Variants in METTL24 observed in about 807,000 individuals in gnomAD.
METTL24 encodes methyltransferase like 24, also known as probable methyltransferase-like protein 24.
In METTL24, 29 loss-of-function variants were observed where a neutral mutation model predicts 32.7. That is an observed-to-expected ratio of 0.89 (90% CI 0.66 to 1.21). METTL24 has a LOEUF of 1.21. Ranked by LOEUF, METTL24 falls within the 50% of genes most tolerant of loss-of-function variation. The pLI is 0.00. For missense variants in METTL24, 439 were observed against 468.1 expected, an observed-to-expected ratio of 0.94 and a Z score of 0.57; for synonymous variants, 163 against 179.5, an observed-to-expected ratio of 0.91 and a Z score of 0.73.
chr6:110,299,129 A>T lies in METTL24; in HGVS notation c.579T>A (p.His193Gln). Residue 193 changes from histidine (H) to glutamine (Q), a missense_variant, in exon 4 of 5, where the codon CAT becomes CAA. Transcript: ENST00000338882. ...YSLGLGSDDT[H>Q]FEVSMANNGC... is the part of the protein sequence containing the mutation. ...CGTTGTTGGCCATGCTAACCTCAAA[A>T]TGGGTATCATCACTTCCTAGCCTAT... is the stretch of plus-strand genomic sequence containing the variant. 1.9e-6 allele frequency: 3 copies of T among 1,614,018 alleles called. No individual in the cohort carries two copies. The highest frequency in any genetic ancestry group is 2.5e-6 in the Non-Finnish European group (3 of 1,179,998).
At chr6:110,284,134 T>C (rs1016177716) in intron 4 of METTL24, among the ~76,000 whole-genome samples, 1 of 152,178 alleles carries the variant, frequency 6.6e-6, no homozygotes, top group Non-Finnish European at 1.5e-5. Flanking sequence ...TAATGTGTGA[T>C]TCCACTTACA....
chr6:110,269,790 T>C (rs1770921986), intron 4 of METTL24, among the ~76,000 whole-genome samples: 1 of 152,142 alleles, frequency 6.6e-6, no homozygotes, highest in Admixed American at 6.6e-5. Flanking sequence ...GTAATCTAAA[T>C]ATTCATATGA....
At chr6:110,259,487 G>GC (rs557438172) in intron 4 of METTL24, among the ~76,000 whole-genome samples, 140 of 152,372 alleles carry the variant, frequency 9.2e-4, no homozygotes, top group South Asian at 4.6e-3. Flanking sequence ...ACTGGGTGGA[G>GC]CCCACCACAG....
intron 1 of METTL24, among the ~76,000 whole-genome samples, chr6:110,352,521 C>T (rs1211040746): frequency 6.6e-6 from 1 of 152,016 alleles, no homozygotes; most frequent in Non-Finnish European, 1.5e-5. Context: ...GATTATAAGG[C>T]TCTTAAAATT....
intron 4 of METTL24, among the ~76,000 whole-genome samples, 193 bp from the exon 5 acceptor site, chr6:110,246,453 G>A (rs1035803434): frequency 7.2e-5 from 11 of 152,084 alleles, no homozygotes; most frequent in Non-Finnish European, 5.9e-5. Flanking sequence ...TTGGTTTTTT[G>A]TTCTTGTTTT....
intron 1 of METTL24, among the ~76,000 whole-genome samples, chr6:110,333,580 G>A (rs1772150620): frequency 1.3e-5 from 2 of 151,970 alleles, no homozygotes; most frequent in Non-Finnish European, 2.9e-5. Flanking sequence ...TCAGCTTCCC[G>A]AGTAGCTGGG....
intron 4 of METTL24, among the ~76,000 whole-genome samples, chr6:110,264,199 A>G (rs1408656924): frequency 6.6e-6 from 1 of 152,080 alleles, no homozygotes; most frequent in Non-Finnish European, 1.5e-5. Context: ...ACAGAATGGG[A>G]GAAAATTTTT....
intron 3 of METTL24, among the ~76,000 whole-genome samples, chr6:110,306,847 C>T (rs528492488): frequency 5.3e-5 from 8 of 152,290 alleles, no homozygotes; most frequent in South Asian, 2.1e-4. Flanking sequence ...ATCCAGAGCA[C>T]GTGCTCTCTA....
At chr6:110,301,102 T>C (rs954163026) in intron 3 of METTL24, among the ~76,000 whole-genome samples, 1 of 152,168 alleles carries the variant, frequency 6.6e-6, no homozygotes, top group African/African-American at 2.4e-5. Flanking sequence ...ACTACACTGC[T>C]CTTTTTCCGA....
chr6:110,335,821 G>T (rs1370347282), intron 1 of METTL24, among the ~76,000 whole-genome samples: 1 of 152,138 alleles, frequency 6.6e-6, no homozygotes, highest in Non-Finnish European at 1.5e-5. Context: ...GAAATGACAT[G>T]GCAAAGTCAC....
chr6:110,310,006 G>A (rs1771692660), intron 3 of METTL24, among the ~76,000 whole-genome samples: 1 of 152,100 alleles, frequency 6.6e-6, no homozygotes, highest in Admixed American at 6.5e-5. Context: ...GGTAATTTGG[G>A]GAAACATGCC....
At chr6:110,288,557 T>C (rs1771264579) in intron 4 of METTL24, among the ~76,000 whole-genome samples, 1 of 152,170 alleles carries the variant, frequency 6.6e-6, no homozygotes, top group South Asian at 2.1e-4. Flanking sequence ...GGTGACTCTA[T>C]TTAAAGTTGA....
At chr6:110,285,562 C>T (rs919397582) in intron 4 of METTL24, among the ~76,000 whole-genome samples, 1 of 152,154 alleles carries the variant, frequency 6.6e-6, no homozygotes. Context: ...CTCAGGAATA[C>T]ACTTTCCCTC....
intron 1 of METTL24, among the ~76,000 whole-genome samples, chr6:110,331,627 T>C (rs999699006): frequency 7.8e-6 from 1 of 127,524 alleles, no homozygotes; most frequent in Non-Finnish European, 1.5e-5. Context: ...GCCACTGCAC[T>C]CCAGCCTGTC....
At chr6:110,334,441 GA>G (rs1385138317) in intron 1 of METTL24, among the ~76,000 whole-genome samples, 1 of 152,088 alleles carries the variant, frequency 6.6e-6, no homozygotes, top group East Asian at 1.9e-4. Flanking sequence ...CTGACAAGGG[GA>G]CAGAGGCCAC....
intron 4 of METTL24, among the ~76,000 whole-genome samples, chr6:110,272,267 C>T (rs1178643150): frequency 2.6e-5 from 4 of 152,156 alleles, no homozygotes; most frequent in Admixed American, 2.0e-4. Context: ...TAATGGCCTC[C>T]AGCTCCATCC....
chr6:110,264,743 C>T (rs1770819746), intron 4 of METTL24, among the ~76,000 whole-genome samples: 1 of 152,122 alleles, frequency 6.6e-6, no homozygotes, highest in African/African-American at 2.4e-5. Context: ...CAATGATAGA[C>T]TGGATTAAGA....
At chr6:110,335,112 C>T (rs940969251) in intron 1 of METTL24, among the ~76,000 whole-genome samples, 2 of 152,204 alleles carry the variant, frequency 1.3e-5, no homozygotes, top group Non-Finnish European at 2.9e-5. Context: ...AGGAAAAATC[C>T]ACAGTCTTTA....
chr6:110,248,515 C>T (rs1032840668), intron 4 of METTL24, among the ~76,000 whole-genome samples: 4 of 152,104 alleles, frequency 2.6e-5, no homozygotes, highest in East Asian at 1.9e-4. Flanking sequence ...CCAGTTTGTC[C>T]GTTCAATAGT....
Sources: allele counts gnomAD v4.1 joint callset (sites outside exome capture counted in the v4.1 genomes callset), GRCh38; gene constraint gnomAD v4.1.1; transcripts MANE v1.5; gene names NCBI Gene and HGNC (gene_info 2026-07-23, HGNC 2026-07-21).